Variants in AFF3 observed in about 807,000 individuals in gnomAD.
AFF3 encodes AF4/FMR2 family member 3.
In AFF3, 32 loss-of-function variants were observed where a neutral mutation model predicts 129.7. The observed-to-expected ratio is 0.25, with a 90% CI of 0.19 to 0.33. The LOEUF is 0.33. Ranked by LOEUF, AFF3 falls within the 10% of genes least tolerant of loss-of-function variation. The pLI, the probability that AFF3 is intolerant of heterozygous loss-of-function variation, is 1.00. For synonymous variants in AFF3, 644 were observed against 635.4 expected, an observed-to-expected ratio of 1.01 and a Z score of -0.20; for missense variants, 1,373 against 1,592.0, an observed-to-expected ratio of 0.86 and a Z score of 2.34.
intron 2 of AFF3, among the ~76,000 whole-genome samples, chr2:100,115,040 A>C (rs1210912931): frequency 1.3e-5 from 2 of 152,208 alleles, no homozygotes; most frequent in Non-Finnish European, 2.9e-5. Flanking sequence ...GATCAAGATG[A>C]ATCTTAGGGA....
intron 8 of AFF3, among the ~76,000 whole-genome samples, chr2:99,818,414 G>C (rs1316890783): frequency 6.6e-6 from 1 of 152,152 alleles, no homozygotes; most frequent in African/African-American, 2.4e-5. Flanking sequence ...ATACAACGTT[G>C]AAACCGACAA....
At chr2:100,008,099 C>A (rs1481357643) in intron 5 of AFF3, 1 of 153,010 alleles carries the variant, frequency 6.5e-6, no homozygotes, top group African/African-American at 2.4e-5. Context: ...TTAAGTCTTT[C>A]TATGATTGGA....
chr2:100,140,074 T>C (rs1447161756), intron 1 of AFF3, among the ~76,000 whole-genome samples: 1 of 152,184 alleles, frequency 6.6e-6, no homozygotes, highest in African/African-American at 2.4e-5. Context: ...TTACCGAAGG[T>C]GGATTTCAAC....
intron 11 of AFF3, among the ~76,000 whole-genome samples, chr2:99,724,169 C>T (rs1038271668): frequency 4.6e-5 from 7 of 150,856 alleles, no homozygotes; most frequent in Non-Finnish European, 1.0e-4. Flanking sequence ...TGACTCATGG[C>T]TTTAGTTTGT....
At chr2:99,964,903 C>T (rs1448743940) in intron 7 of AFF3, among the ~76,000 whole-genome samples, 3 of 152,090 alleles carry the variant, frequency 2.0e-5, no homozygotes, top group Non-Finnish European at 2.9e-5. Context: ...ACACAATCTC[C>T]TTGTGTTTTT....
chr2:99,953,793 C>T (rs1676380968), intron 7 of AFF3, among the ~76,000 whole-genome samples: 2 of 152,198 alleles, frequency 1.3e-5, no homozygotes, highest in African/African-American at 4.8e-5. Context: ...GTGGGCTGGA[C>T]ACATGAGGGA....
At chr2:99,988,765 G>A in intron 7 of AFF3, among the ~76,000 whole-genome samples, 1 of 147,126 alleles carries the variant, frequency 6.8e-6, no homozygotes, top group East Asian at 2.6e-4. Context: ...AACACATGGG[G>A]GACACTGAAC....
At chr2:99,768,571 G>A (rs1409359139) in intron 8 of AFF3, among the ~76,000 whole-genome samples, 1 of 152,136 alleles carries the variant, frequency 6.6e-6, no homozygotes, top group Non-Finnish European at 1.5e-5. Flanking sequence ...GTTTTTCTGT[G>A]TACTTACTGT....
intron 13 of AFF3, among the ~76,000 whole-genome samples, chr2:99,633,497 C>T (rs577203401): frequency 6.6e-6 from 1 of 152,308 alleles, no homozygotes; most frequent in African/African-American, 2.4e-5. Flanking sequence ...GGAGAAGGTC[C>T]AGCATGTGTG....
chr2:99,893,808 TA>T (rs1693745393), intron 7 of AFF3, among the ~76,000 whole-genome samples: 1 of 152,240 alleles, frequency 6.6e-6, no homozygotes, highest in Admixed American at 6.5e-5. Flanking sequence ...TCACTATCCT[TA>T]AATTCTATTT....
intron 8 of AFF3, among the ~76,000 whole-genome samples, chr2:99,802,904 A>AAGAGAT (rs1686059269): frequency 6.6e-6 from 1 of 152,062 alleles, no homozygotes; most frequent in Admixed American, 6.6e-5. Flanking sequence ...TACCAGCAAA[A>AAGAGAT]AGAGATAGTT....
At chr2:99,785,708 G>C (rs1357520890) in intron 8 of AFF3, among the ~76,000 whole-genome samples, 1 of 152,096 alleles carries the variant, frequency 6.6e-6, no homozygotes, top group Non-Finnish European at 1.5e-5. Context: ...ATACACTCAA[G>C]AAATTCTGAG....
chr2:99,604,764 G>A (rs1680167154), intron 13 of AFF3, among the ~76,000 whole-genome samples: 1 of 152,186 alleles, frequency 6.6e-6, no homozygotes, highest in African/African-American at 2.4e-5. Flanking sequence ...TAGATGTGGA[G>A]GAAAGATATG....
At chr2:99,809,481 T>C (rs1485345983) in intron 8 of AFF3, among the ~76,000 whole-genome samples, 1 of 152,156 alleles carries the variant, frequency 6.6e-6, no homozygotes, top group Non-Finnish European at 1.5e-5. Context: ...AAGCAGAAAA[T>C]AGATTCAATG....
intron 7 of AFF3, among the ~76,000 whole-genome samples, chr2:100,002,945 G>A (rs868867990): frequency 1.3e-5 from 2 of 152,010 alleles, no homozygotes; most frequent in Admixed American, 6.6e-5. Flanking sequence ...ATATACATAC[G>A]TATTTTTAAA....
intron 20 of AFF3, among the ~76,000 whole-genome samples, chr2:99,563,576 C>T (rs970526704): frequency 8.6e-5 from 13 of 151,060 alleles, no homozygotes; most frequent in Non-Finnish European, 1.3e-4. Context: ...TTTGGGAGGC[C>T]GAAGCAGGCA....
At chr2:99,844,218 T>C (rs899923900) in intron 7 of AFF3, among the ~76,000 whole-genome samples, 6 of 152,070 alleles carry the variant, frequency 3.9e-5, no homozygotes, top group African/African-American at 1.4e-4. Flanking sequence ...ACAAACTACA[T>C]TAATTTTAAA....
intron 7 of AFF3, among the ~76,000 whole-genome samples, chr2:99,969,174 C>T (rs547704878): frequency 6.6e-6 from 1 of 152,186 alleles, no homozygotes; most frequent in Non-Finnish European, 1.5e-5. Flanking sequence ...TGCCCCAGCA[C>T]ATATTCCGCC....
At chr2:99,918,017 T>C (rs373401582) in intron 7 of AFF3, among the ~76,000 whole-genome samples, 1 of 151,166 alleles carries the variant, frequency 6.6e-6, no homozygotes, top group Non-Finnish European at 1.5e-5. Context: ...TCAATTCTGA[T>C]AGAAAATAAG....
Sources: gnomAD v4.1 joint callset for allele counts (sites outside exome capture counted in the v4.1 genomes callset) on GRCh38, gnomAD v4.1.1 for gene constraint, MANE v1.5 for transcripts, NCBI Gene and HGNC (gene_info 2026-07-23, HGNC 2026-07-21) for gene names.